Variants in ZCWPW2 observed in about 807,000 individuals in gnomAD.
The protein encoded by ZCWPW2 is zinc finger CW-type and PWWP domain containing 2.
A neutral mutation model predicts 46.6 loss-of-function variants in ZCWPW2; 45 were observed. The observed-to-expected ratio is 0.96, with a 90% CI of 0.76 to 1.24. The LOEUF is 1.24. Ranked by LOEUF, ZCWPW2 falls within the 50% of genes most tolerant of loss-of-function variation. The probability of loss-of-function intolerance (pLI) is 0.00; values close to 1 mark genes in which losing one functional copy is unlikely to be tolerated. For synonymous variants in ZCWPW2, 152 were observed against 137.1 expected (o/e 1.11, Z -0.76); for missense variants, 429 against 403.9 (o/e 1.06, Z -0.53).
chr3:28,446,602 A>G (rs1476441290), intron 4 of ZCWPW2, among the ~76,000 whole-genome samples: 3 of 152,080 alleles, frequency 2.0e-5, no homozygotes, highest in African/African-American at 7.2e-5. Flanking sequence ...ACTTAACTTT[A>G]CAACTTAAAG....
At position 28,495,831 on chromosome 3, in the gene ZCWPW2, G is replaced by A. The variant is rs117876702; in HGVS notation, c.657+3658G>A. On this transcript the variant is annotated intron_variant, in intron 6 of 9. Coordinates refer to ENST00000383768, the MANE Select transcript of ZCWPW2 (RefSeq NM_001040432.4). ...TTTAAGAAATTTTTGGAGATGCTGT[G>A]GGTTATAGTAATTTTGGAGAATACA... 1.5e-3 allele frequency among the ~76,000 whole-genome samples: 234 copies of A among 152,016 alleles called. 1 individual carries two copies. Among genetic ancestry groups the A allele is most frequent in the East Asian group, 0.015 (77 of 5,172 alleles).
chr3:28,369,878 C>G (rs1048973585), intron 1 of ZCWPW2, among the ~76,000 whole-genome samples: 8 of 152,152 alleles, frequency 5.3e-5, no homozygotes, highest in Admixed American at 4.6e-4. Context: ...CCCCCAGCCT[C>G]GCTGCCACCT....
intron 2 of ZCWPW2, among the ~76,000 whole-genome samples, chr3:28,397,807 A>G (rs1202982035): frequency 6.6e-6 from 1 of 152,212 alleles, no homozygotes; most frequent in Non-Finnish European, 1.5e-5. Flanking sequence ...CATACCTATA[A>G]TAATCGTACT....
intron 1 of ZCWPW2, among the ~76,000 whole-genome samples, chr3:28,368,339 C>G (rs895298574): frequency 6.6e-6 from 1 of 151,808 alleles, no homozygotes; most frequent in Admixed American, 6.6e-5. Flanking sequence ...AGAGGCCTGC[C>G]CTACAAGAGG....
chr3:28,478,690 G>T (rs545716489), intron 4 of ZCWPW2, 124 bp from the exon 5 acceptor site: 4 of 433,318 alleles, frequency 9.2e-6, no homozygotes, highest in Non-Finnish European at 1.6e-5. Context: ...AATTAGATAC[G>T]AAAGTCTAAG....
intron 4 of ZCWPW2, among the ~76,000 whole-genome samples, chr3:28,458,133 C>T (rs1443142626): frequency 6.6e-6 from 1 of 152,064 alleles, no homozygotes; most frequent in Non-Finnish European, 1.5e-5. Context: ...GAAACAATAT[C>T]GTTTTGTAGC....
intron 1 of ZCWPW2, among the ~76,000 whole-genome samples, chr3:28,374,426 A>G (rs764573614): frequency 3.9e-5 from 6 of 152,046 alleles, no homozygotes; most frequent in Admixed American, 6.6e-5. Context: ...GACGCTGCCA[A>G]TTTAGTTGTT....
At chr3:28,454,333 T>C (rs1432565319) in intron 4 of ZCWPW2, among the ~76,000 whole-genome samples, 1 of 152,192 alleles carries the variant, frequency 6.6e-6, no homozygotes, top group Non-Finnish European at 1.5e-5. Context: ...AAAAATGAGA[T>C]ATTAGGTCAT....
At chr3:28,492,767 A>C (rs1386100576) in intron 6 of ZCWPW2, among the ~76,000 whole-genome samples, 1 of 152,152 alleles carries the variant, frequency 6.6e-6, no homozygotes, top group Non-Finnish European at 1.5e-5. Context: ...TCAAGAGATG[A>C]TGTTCTTACC....
At chr3:28,447,728 G>T in intron 4 of ZCWPW2, 1 of 602,114 alleles carries the variant, frequency 1.7e-6, no homozygotes. Flanking sequence ...ACTCAGAATG[G>T]TCCAGCATTT....
rs1575095767 is a variant in ZCWPW2 at position 28,403,249 on chromosome 3, C to G, written c.-13-9807C>G. Among the ~76,000 whole-genome samples, 3 of 152,156 alleles carry G rather than the reference C, an allele frequency of 2.0e-5. No homozygotes were observed. In the East Asian group the frequency reaches 5.8e-4, roughly 29 times the overall value. ...ACAAGTCAGCAGCTCTTCTATACACCAACAGCAACCAAGCTGAGAATCAAA... is the reference window on the plus strand; with the variant it reads ...ACAAGTCAGCAGCTCTTCTATACACGAACAGCAACCAAGCTGAGAATCAAA... On this transcript the variant is annotated intron_variant, in intron 2 of 9. Transcript: ENST00000383768.
chr3:28,405,239 T>C (rs569227398), intron 2 of ZCWPW2, among the ~76,000 whole-genome samples: 4 of 152,248 alleles, frequency 2.6e-5, no homozygotes, highest in East Asian at 1.9e-4. Flanking sequence ...TCCCCTGAAA[T>C]TGATATTTTG....
chr3:28,348,968 A>C lies in ZCWPW2; in HGVS notation c.-369A>C, dbSNP rs1324396391. On this transcript the variant is annotated 5_prime_UTR_variant, in exon 1 of 10. An upstream start codon of the reference 5' UTR is lost. Transcript: ENST00000383768. ...CTCCGGAAAGTGATTGGAAGTGTGGATGAGCTCTCAGCCGGAAAAGGGGCT... is the reference window on the plus strand; with the variant it reads ...CTCCGGAAAGTGATTGGAAGTGTGGCTGAGCTCTCAGCCGGAAAAGGGGCT... 3.0e-6 allele frequency: 3 copies of C among 985,680 alleles called. No individual in the cohort carries two copies. Among genetic ancestry groups the C allele is most frequent in the Non-Finnish European group, 3.6e-6 (3 of 830,132 alleles). The allele number at this position is 985,680 out of a possible 1,614,324, so 61.1% of individuals were successfully genotyped here. A position where few individuals can be genotyped will look rare whatever the true frequency, so the allele number is the denominator to read the frequency against.
At chr3:28,483,957 T>A (rs1699512140) in intron 5 of ZCWPW2, among the ~76,000 whole-genome samples, 1 of 152,140 alleles carries the variant, frequency 6.6e-6, no homozygotes, top group Non-Finnish European at 1.5e-5. Context: ...TCCAAATGTG[T>A]ATATCTTTTA....
chr3:28,381,765 A>T (rs1052416853), intron 1 of ZCWPW2, among the ~76,000 whole-genome samples: 1 of 152,150 alleles, frequency 6.6e-6, no homozygotes, highest in Admixed American at 6.5e-5. Flanking sequence ...AGGCCTGGGC[A>T]ACAGAGAGAA....
chr3:28,363,408 A>T (rs1012611129), intron 1 of ZCWPW2, among the ~76,000 whole-genome samples: 3 of 152,174 alleles, frequency 2.0e-5, no homozygotes, highest in Admixed American at 6.5e-5. Flanking sequence ...CACTGGGCTT[A>T]TTCTCATTCT....
chr3:28,356,193 A>G (rs917384993), intron 1 of ZCWPW2, among the ~76,000 whole-genome samples: 1 of 152,240 alleles, frequency 6.6e-6, no homozygotes, highest in Non-Finnish European at 1.5e-5. Context: ...TGGGCAAAGG[A>G]TATGAACAGA....
chr3:28,409,153 C>T (rs1233955948), intron 2 of ZCWPW2, among the ~76,000 whole-genome samples: 31 of 92,032 alleles, frequency 3.4e-4, no homozygotes, highest in Admixed American at 4.4e-4. Context: ...TTGAGTCTCA[C>T]TTTGTCACCC....
chr3:28,442,674 A>G (rs939966487), intron 4 of ZCWPW2, among the ~76,000 whole-genome samples: 1 of 152,204 alleles, frequency 6.6e-6, no homozygotes, highest in African/African-American at 2.4e-5. Context: ...GTATCAGGAG[A>G]TGTGTTAATT....
Sources: gnomAD v4.1 joint callset for allele counts (sites outside exome capture counted in the v4.1 genomes callset) on GRCh38, gnomAD v4.1.1 for gene constraint, MANE v1.5 for transcripts, NCBI Gene and HGNC (gene_info 2026-07-23, HGNC 2026-07-21) for gene names.